DOCK2: variants seen among roughly 807,000 people sequenced by gnomAD.
DOCK2 encodes the protein dedicator of cytokinesis protein 2.
DOCK2 carries 87 observed loss-of-function variants against 248.9 expected under a neutral mutation model. The ratio of observed to expected loss-of-function variants is 0.35; its 90% CI spans 0.29 to 0.42. The LOEUF is 0.42. Ranked by LOEUF, DOCK2 falls within the 10% of genes least tolerant of loss-of-function variation. DOCK2 has a pLI of 1.00. For missense variants in DOCK2, 1,747 were observed against 2,300.2 expected, an observed-to-expected ratio of 0.76 and a Z score of 4.92; for synonymous variants, 805 against 821.6, an observed-to-expected ratio of 0.98 and a Z score of 0.35.
chr5:169,793,249 C>T (rs963353183), intron 25 of DOCK2, among the ~76,000 whole-genome samples: 17 of 152,240 alleles, frequency 1.1e-4, no homozygotes, highest in African/African-American at 3.9e-4. Context: ...ATCAGCAGGT[C>T]ATGTCGACTC....
intron 27 of DOCK2, among the ~76,000 whole-genome samples, chr5:169,921,683 G>A (rs1775180613): frequency 1.3e-5 from 2 of 152,264 alleles, no homozygotes; most frequent in Middle Eastern, 3.4e-3. Flanking sequence ...GAGCACTTGG[G>A]AGAAGCCAGT....
chr5:169,677,145 G>A (rs1759377881), intron 6 of DOCK2, among the ~76,000 whole-genome samples: 1 of 152,168 alleles, frequency 6.6e-6, no homozygotes, highest in South Asian at 2.1e-4. Context: ...AACAACAGCT[G>A]CCTATGGGTC....
At chr5:169,750,477 G>T (rs1763840041) in intron 23 of DOCK2, among the ~76,000 whole-genome samples, 1 of 152,144 alleles carries the variant, frequency 6.6e-6, no homozygotes. Context: ...TGTGGGTGAG[G>T]ATCAAATAAA....
intron 1 of DOCK2, among the ~76,000 whole-genome samples, chr5:169,648,519 A>G (rs1757610578): frequency 6.6e-6 from 1 of 152,212 alleles, no homozygotes; most frequent in African/African-American, 2.4e-5. Flanking sequence ...CACCTGGCAC[A>G]GTGCTGGGAC....
chr5:169,939,544 G>T lies in DOCK2; in HGVS notation c.2800-43524G>T, dbSNP rs140735619. ...TTATTATTATTGTCAATTATGTGCT[G>T]TATGTAATTGTGTGTGCTGTACTTT... On this transcript the variant is annotated intron_variant, in intron 27 of 51. Transcript: ENST00000520908. Among the ~76,000 whole-genome samples, 523 of 152,250 alleles carry T rather than the reference G, an allele frequency of 3.4e-3. 5 individuals carry two copies. The South Asian group carries it at 0.043, about 13-fold the overall frequency.
At chr5:170,010,466 GAGA>G (rs1755242837) in intron 32 of DOCK2, among the ~76,000 whole-genome samples, 1 of 152,208 alleles carries the variant, frequency 6.6e-6, no homozygotes, top group Non-Finnish European at 1.5e-5. Context: ...TCAGGAAGAT[GAGA>G]AGGAGTAAGG....
chr5:169,747,206 G>A (rs1325786236), intron 22 of DOCK2, among the ~76,000 whole-genome samples, 190 bp from the exon 23 acceptor site: 2 of 152,102 alleles, frequency 1.3e-5, no homozygotes, highest in African/African-American at 2.4e-5. Context: ...GTTTCTGTTG[G>A]GTATGGTGGA....
At chr5:169,853,804 CTTTTTTTTTTTTTTTTTTTTTTTTTT>C (rs67124138) in intron 27 of DOCK2, among the ~76,000 whole-genome samples, 10 of 56,858 alleles carry the variant, frequency 1.8e-4, no homozygotes, top group African/African-American at 4.0e-4. Flanking sequence ...GGAAAAACAA[CTTTTTTTTTTTTTTTTTTTTTTTTTT>C]TTTTTTTTTT....
chr5:170,042,228 G>C, intron 38 of DOCK2, 96 bp downstream of exon 38: 1 of 1,396,460 alleles, frequency 7.2e-7, no homozygotes, highest in East Asian at 2.6e-5. Context: ...AGCTCTGTCA[G>C]ATATCCCTGC....
Position 169,776,801 on chromosome 5 carries a change from G to A in DOCK2, c.2554+15176G>A, listed in dbSNP as rs113469121. On this transcript the variant is annotated intron_variant, in intron 25 of 51. Transcript: ENST00000520908. Reference sequence around the variant, plus strand: ...TTCTCACTTCGTCCTGCTGCCCTGTGAAAAAGGTGCTTGCTTCTCCTTTGC... The same window carrying A: ...TTCTCACTTCGTCCTGCTGCCCTGTAAAAAAGGTGCTTGCTTCTCCTTTGC... Among the ~76,000 whole-genome samples the A allele has an allele frequency of 1.2e-3, 185 of 152,294 alleles. 2 individuals are homozygous for A. Among genetic ancestry groups the A allele is most frequent in the African/African-American group, 4.1e-3 (169 of 41,566 alleles).
At position 169,695,953 on chromosome 5, in the gene DOCK2, C is replaced by A; in HGVS notation, c.979+15C>A. The A allele has an allele frequency of 6.4e-7, 1 of 1,567,016 alleles. No individual in the cohort carries two copies. The highest frequency in any genetic ancestry group is 8.6e-7 in the Non-Finnish European group (1 of 1,158,172). ...TGGGGTGGCAGGTAAGGGGCACACTCTGCATCATTGATTTTTATGGGAGCG... is the reference window on the plus strand; with the variant it reads ...TGGGGTGGCAGGTAAGGGGCACACTATGCATCATTGATTTTTATGGGAGCG... On this transcript the variant is annotated intron_variant, in intron 10 of 51. Coordinates refer to ENST00000520908, the MANE Select transcript of DOCK2 (RefSeq NM_004946.3).
intron 2 of DOCK2, among the ~76,000 whole-genome samples, chr5:169,655,660 A>G (rs1432007080): frequency 1.3e-5 from 2 of 152,226 alleles, no homozygotes; most frequent in East Asian, 1.9e-4. Context: ...GCAGATTTGT[A>G]CAAGGATGCT....
intron 25 of DOCK2, among the ~76,000 whole-genome samples, chr5:169,773,470 A>G (rs903987391): frequency 2.1e-5 from 3 of 143,186 alleles, no homozygotes; most frequent in Admixed American, 2.1e-4. Context: ...GTGTGTGTGT[A>G]ATTTACCTCA....
At chr5:169,860,771 G>A (rs1253013310) in intron 27 of DOCK2, among the ~76,000 whole-genome samples, 2 of 152,182 alleles carry the variant, frequency 1.3e-5, no homozygotes, top group Non-Finnish European at 2.9e-5. Flanking sequence ...TAGAAAATGG[G>A]CTTGGTGTGA....
intron 27 of DOCK2, among the ~76,000 whole-genome samples, chr5:169,857,900 G>A (rs531476759): frequency 4.6e-5 from 7 of 152,218 alleles, no homozygotes; most frequent in South Asian, 2.1e-4. Context: ...GTTTATATAC[G>A]TTGGTTTTAT....
At chr5:169,860,682 C>A (rs1245688779) in intron 27 of DOCK2, among the ~76,000 whole-genome samples, 1 of 152,150 alleles carries the variant, frequency 6.6e-6, no homozygotes, top group Non-Finnish European at 1.5e-5. Flanking sequence ...GTGGAGAAGG[C>A]AGGAAAAGGA....
At chr5:169,891,089 C>G (rs373903902) in intron 27 of DOCK2, among the ~76,000 whole-genome samples, 20 of 152,334 alleles carry the variant, frequency 1.3e-4, no homozygotes, top group East Asian at 1.2e-3. Context: ...CCCATCTCAT[C>G]TCATGCCACT....
chr5:169,939,756 T>G (rs1166087362), intron 27 of DOCK2, among the ~76,000 whole-genome samples: 1 of 152,176 alleles, frequency 6.6e-6, no homozygotes, highest in Non-Finnish European at 1.5e-5. Flanking sequence ...AAAGTTCTTA[T>G]AAGGAACTCA....
Position 170,079,146 on chromosome 5 carries a change from G to A in DOCK2, c.5166G>A (p.Arg1722=), listed in dbSNP as rs774905346. The A allele has an allele frequency of 2.5e-6, 4 of 1,612,912 alleles. No individual in the cohort carries two copies. Among genetic ancestry groups the A allele is most frequent in the Non-Finnish European group, 3.4e-6 (4 of 1,179,856 alleles). ...CAGCTGCAGAGTCGGACCTGAAGCG[G>A]GTGAGTGGCTGAGGCAGATTGCCTC... is the stretch of plus-strand genomic sequence containing the variant. The part of the protein sequence containing the change: ...EKAAAESDLK[R]LSRKHEFMSD... The change falls in exon 49 of 52, where the codon CGG becomes CGA. Residue 1722 remains arginine (R), a splice_region_variant and synonymous_variant. Coordinates refer to ENST00000520908, the MANE Select transcript of DOCK2 (RefSeq NM_004946.3).
Sources: gnomAD v4.1 joint callset for allele counts (sites outside exome capture counted in the v4.1 genomes callset) on GRCh38, gnomAD v4.1.1 for gene constraint, MANE v1.5 for transcripts, NCBI Gene and HGNC (gene_info 2026-07-23, HGNC 2026-07-21) for gene names.